The following CFAP47 variants were observed in gnomAD, a reference collection of about 807,000 sequenced individuals.
CFAP47 encodes the protein cilia and flagella associated protein 47, also known as cilia- and flagella-associated protein 47.
A neutral mutation model predicts 148.1 loss-of-function variants in CFAP47; 29 were observed. That is an observed-to-expected ratio of 0.20 (90% confidence interval 0.15 to 0.27). The LOEUF (loss-of-function observed/expected upper bound fraction) is 0.27, where lower values mean the gene tolerates loss of function less well. Among genes scored for constraint, CFAP47 ranks in the 10% least tolerant of loss-of-function variants. The pLI is 1.00. For missense variants in CFAP47, 1,872 were observed against 1,697.5 expected, an observed-to-expected ratio of 1.10 and a Z score of -1.81; for synonymous variants, 664 against 577.3, an observed-to-expected ratio of 1.15 and a Z score of -2.15.
At position 36,299,074 on chromosome X, in the gene CFAP47, A is replaced by G. The variant is rs1272651087; in HGVS notation, c.7784A>G (p.Glu2595Gly). 1.1e-5 allele frequency: 13 copies of G among 1,132,227 alleles called. No homozygotes were observed. The highest frequency in any genetic ancestry group is 1.2e-5 in the Non-Finnish European group (10 of 844,678). The allele number at this position is 1,132,227 out of a possible 1,213,427, so 93.3% of individuals were successfully genotyped here. A position where few individuals can be genotyped will look rare whatever the true frequency, so the allele number is the denominator to read the frequency against. ...AGTGCTGCCCTTAATGGGGATAATG[A>G]AATTATCCTGAGTCCACTACAGTGC... Reference protein sequence around the residue: ...LTSAALNGDNEIILSPLQCTK... With the variant: ...LTSAALNGDNGIILSPLQCTK... Residue 2595 changes from glutamate (E) to glycine (G), a missense_variant, in exon 52 of 64, where the codon GAA (glutamate) becomes GGA (glycine). By Grantham distance (98) the Glu-to-Gly change is moderately conservative. Coordinates refer to ENST00000378653, the MANE Select transcript of CFAP47 (RefSeq NM_001304548.2).
chrX:36,200,776 A>G (rs1221855884), intron 43 of CFAP47, among the ~76,000 whole-genome samples: 1 of 111,794 alleles, frequency 8.9e-6, no homozygotes, highest in Non-Finnish European at 1.9e-5. Flanking sequence ...CCATTTCTCA[A>G]ATAATCTGGA....
intron 8 of CFAP47, among the ~76,000 whole-genome samples, chrX:35,960,159 C>T (rs866119667): frequency 2.3e-4 from 24 of 105,853 alleles, no homozygotes; most frequent in African/African-American, 8.3e-4. Context: ...AGGCTGGTCT[C>T]GAGCTGCTGA....
chrX:36,012,260 A>G (rs1413169773), intron 21 of CFAP47, among the ~76,000 whole-genome samples: 2 of 111,650 alleles, frequency 1.8e-5, no homozygotes, highest in Non-Finnish European at 3.8e-5. Context: ...CAGTGTGACG[A>G]TTTCTCAAGG....
intron 3 of CFAP47, among the ~76,000 whole-genome samples, chrX:35,942,872 A>G (rs746278727): frequency 1.8e-5 from 2 of 112,005 alleles, no homozygotes; most frequent in Non-Finnish European, 3.8e-5. Flanking sequence ...CGCATTGGCT[A>G]TTAGGATTAT....
intron 49 of CFAP47, among the ~76,000 whole-genome samples, chrX:36,262,629 A>G (rs1940843004): frequency 8.9e-6 from 1 of 112,240 alleles, no homozygotes; most frequent in Admixed American, 9.4e-5. Context: ...ATGTATGCTA[A>G]CATTGCTTCC....
intron 42 of CFAP47, among the ~76,000 whole-genome samples, chrX:36,192,153 A>G (rs1367342538): frequency 8.9e-6 from 1 of 112,001 alleles, no homozygotes; most frequent in Non-Finnish European, 1.9e-5. Flanking sequence ...AGTTGAAAAG[A>G]TTTAAGGAAC....
At chrX:36,034,209 C>T (rs1202993963) in intron 23 of CFAP47, among the ~76,000 whole-genome samples, 4 of 111,234 alleles carry the variant, frequency 3.6e-5, no homozygotes, top group African/African-American at 1.3e-4. Context: ...TTGAAAATGT[C>T]TTTTAATTTG....
intron 6 of CFAP47, among the ~76,000 whole-genome samples, chrX:35,953,299 T>TTGCAGAGAAAG (rs779756201): frequency 2.8e-3 from 317 of 112,147 alleles, no homozygotes; most frequent in African/African-American, 9.8e-3. Context: ...AGAAAATTCT[T>TTGCAGAGAAAG]TGCAGAGAAA....
intron 57 of CFAP47, among the ~76,000 whole-genome samples, chrX:36,342,025 T>A (rs1941658086): frequency 9.0e-6 from 1 of 111,048 alleles, no homozygotes; most frequent in African/African-American, 3.3e-5. Context: ...CTCAAACATT[T>A]TGAGTTTATA....
At chrX:36,170,940 A>T (rs1939565621) in intron 39 of CFAP47, among the ~76,000 whole-genome samples, 1 of 108,611 alleles carries the variant, frequency 9.2e-6, no homozygotes, top group African/African-American at 3.4e-5. Flanking sequence ...CTATTTCTCC[A>T]CATCCTCTCC....
At chrX:36,222,275 C>T (rs1206507064) in intron 45 of CFAP47, among the ~76,000 whole-genome samples, 1 of 111,078 alleles carries the variant, frequency 9.0e-6, no homozygotes, top group African/African-American at 3.3e-5. Flanking sequence ...TTTCCTTCCT[C>T]AATTCCTACT....
At chrX:36,030,698 G>GA (rs1937269994) in intron 22 of CFAP47, among the ~76,000 whole-genome samples, 1 of 110,442 alleles carries the variant, frequency 9.1e-6, no homozygotes, top group South Asian at 3.8e-4. Flanking sequence ...AAATGTCTTA[G>GA]AGGTAAGTTT....
chrX:35,951,438 C>G (rs1381500206), intron 5 of CFAP47, 79 bp downstream of exon 5: 2 of 662,099 alleles, frequency 3.0e-6, no homozygotes, highest in South Asian at 6.3e-5. Context: ...AACCAACAAG[C>G]TTTTTAATTA....
At chrX:35,938,772 A>G (rs1370305912) in intron 2 of CFAP47, among the ~76,000 whole-genome samples, 1 of 111,891 alleles carries the variant, frequency 8.9e-6, no homozygotes, top group Admixed American at 9.5e-5. Flanking sequence ...AAATTACAGC[A>G]GTTGTTTATC....
intron 42 of CFAP47, among the ~76,000 whole-genome samples, chrX:36,195,562 A>C (rs1376952106): frequency 2.7e-5 from 3 of 111,799 alleles, no homozygotes; most frequent in Non-Finnish European, 5.7e-5. Context: ...TGATGCCAAA[A>C]CAGATAGTAG....
At chrX:36,362,964 G>A (rs1941841673) in intron 61 of CFAP47, among the ~76,000 whole-genome samples, 1 of 111,137 alleles carries the variant, frequency 9.0e-6, no homozygotes. Flanking sequence ...TAATGACATG[G>A]AAATTACAGC....
Position 35,956,183 on chromosome X carries a change from G to A in CFAP47, c.1397G>A (p.Gly466Glu), listed in dbSNP as rs1198059843. The A allele has an allele frequency of 8.3e-7, 1 of 1,203,237 alleles. No homozygotes were observed. Among genetic ancestry groups the A allele is most frequent in the Non-Finnish European group, 1.1e-6 (1 of 887,801 alleles). The change falls in exon 8 of 64, where the codon GGA becomes GAA. Residue 466 changes from glycine (G) to glutamate (E), a missense_variant. Gly to Glu is a moderately conservative substitution (Grantham distance 98). Transcript: ENST00000378653. ...GATCCTGAAAAGGGCAAGATTACTG[G>A]AGGGGGTATGGTGGTAAGATAATTT... ...EIDPEKGKITGGGMVDVMCSF... is the reference protein window; with the variant it reads ...EIDPEKGKITEGGMVDVMCSF...
At chrX:36,241,606 A>G (rs1466404134) in intron 48 of CFAP47, among the ~76,000 whole-genome samples, 1 of 111,763 alleles carries the variant, frequency 8.9e-6, no homozygotes, top group Non-Finnish European at 1.9e-5. Flanking sequence ...CCTGACCCCT[A>G]GCTGTGGGCC....
At chrX:36,185,250 G>A (rs186317286) in intron 40 of CFAP47, among the ~76,000 whole-genome samples, 56 of 110,077 alleles carry the variant, frequency 5.1e-4, no homozygotes, top group African/African-American at 1.7e-3. Context: ...GGAGCTTTCT[G>A]GAGTCTTTTT....
Sources: gnomAD v4.1 joint callset for allele counts (sites outside exome capture counted in the v4.1 genomes callset) on GRCh38, gnomAD v4.1.1 for gene constraint, MANE v1.5 for transcripts, NCBI Gene and HGNC (gene_info 2026-07-23, HGNC 2026-07-21) for gene names.